The following PRLHR variants were observed in gnomAD, a reference collection of about 807,000 sequenced individuals.
PRLHR encodes prolactin releasing hormone receptor.
In PRLHR, 10 loss-of-function variants were observed where a neutral mutation model predicts 9.3. The observed-to-expected ratio is 1.08, with a 90% CI of 0.66 to 1.82. PRLHR has a LOEUF of 1.82. Ranked by LOEUF, PRLHR falls within the 40% of genes most tolerant of loss-of-function variation. The pLI, the probability that PRLHR is intolerant of heterozygous loss-of-function variation, is 0.00. For missense variants in PRLHR, 589 were observed against 512.0 expected, an observed-to-expected ratio of 1.15 and a Z score of -1.45; for synonymous variants, 261 against 249.3, an observed-to-expected ratio of 1.05 and a Z score of -0.44.
intron 1 of PRLHR, 109 bp from the exon 2 acceptor site, chr10:118,595,359 G>T (rs1844486301): frequency 3.8e-6 from 4 of 1,065,212 alleles, no homozygotes; most frequent in South Asian, 1.8e-5. Flanking sequence ...GGGAATAACC[G>T]GCCACAGAAC....
At position 118,594,703 on chromosome 10, in the gene PRLHR, A is replaced by AGCACAGCGTAGGCGCTGAG. The variant is rs1469153697; in HGVS notation, c.523_541dup (p.Leu181ProfsTer232). The AGCACAGCGTAGGCGCTGAG allele has an allele frequency of 6.3e-7, 1 of 1,594,468 alleles. No homozygotes were observed. The highest frequency in any genetic ancestry group is 1.1e-5 in the South Asian group (1 of 90,002). On this transcript the variant is annotated frameshift_variant, in exon 2 of 2. Coordinates refer to ENST00000239032, the MANE Select transcript of PRLHR (RefSeq NM_004248.3). LOFTEE classifies it low-confidence loss of function (END_TRUNC). ...CACCGCGGACAGCGCCCAGATGGCCAGCACAGCGTAGGCGCTGAGGCGCAG... is the reference window on the plus strand; with the variant it reads ...CACCGCGGACAGCGCCCAGATGGCCAGCACAGCGTAGGCGCTGAGGCACAGCGTAGGCGCTGAGGCGCAG...
Position 118,595,619 on chromosome 10 carries a change from C to T in PRLHR, c.-110G>A, listed in dbSNP as rs531057017. 5.5e-6 allele frequency: 1 copy of T among 181,796 alleles called. No homozygotes were observed. The highest frequency in any genetic ancestry group is 1.4e-4 in the East Asian group (1 of 6,934). The allele number at this position is 181,796 out of a possible 1,614,324, so 11.3% of individuals were successfully genotyped here. ...TGCCCACGTCGGTGATCCGGTCTCG[C>T]TTCTCCGCGGGAGCTGAACGGATCC... is the stretch of plus-strand genomic sequence containing the variant. On this transcript the variant is annotated 5_prime_UTR_variant, in exon 1 of 2. Coordinates refer to ENST00000239032, the MANE Select transcript of PRLHR (RefSeq NM_004248.3).
chr10:118,593,532 C>T lies in PRLHR; in HGVS notation c.*600G>A, dbSNP rs1478640925. 1 of 152,130 alleles carries T rather than the reference C, an allele frequency of 6.6e-6. No individual in the cohort carries two copies. The highest frequency in any genetic ancestry group is 6.5e-5 in the Admixed American group (1 of 15,272). The allele number at this position is 152,130 out of a possible 1,614,324, so 9.4% of individuals were successfully genotyped here. On this transcript the variant is annotated 3_prime_UTR_variant, in exon 2 of 2. Transcript: ENST00000239032. ...AAGGGAGCTTGTAGGTGTTTTTGTACTATAAACTCAAGTGGTTTTAAAACG... is the reference window on the plus strand; with the variant it reads ...AAGGGAGCTTGTAGGTGTTTTTGTATTATAAACTCAAGTGGTTTTAAAACG...
rs765894801 is a variant in PRLHR, at chr10:118,594,570, G to T, written c.675C>A (p.Tyr225Ter). Residue 225 changes from tyrosine to a stop codon, truncating the protein, a stop_gained, in exon 2 of 2, where the codon TAC (tyrosine) becomes TAA (stop). Coordinates refer to ENST00000239032, the MANE Select transcript of PRLHR (RefSeq NM_004248.3). LOFTEE classifies it low-confidence loss of function (END_TRUNC). ...AGGTGACCAGCAGCAGCCCCCAGGC[G>T]TAGAGCTGGCGCTGGCGCTCCTGGG... ...WGSQERQRQLYAWGLLLVTYL... is the reference protein window; with the variant it reads ...WGSQERQRQL 9 of 1,560,122 alleles carry T rather than the reference G, an allele frequency of 5.8e-6. 1 individual carries two copies. In the Admixed American group the frequency reaches 9.5e-5, roughly 16 times the overall value.
rs1165603446 is a variant in PRLHR, at chr10:118,590,869, T to G, written c.*3263A>C. The G allele has an allele frequency of 6.6e-6, 1 of 152,214 alleles. No individual in the cohort carries two copies. The highest frequency in any genetic ancestry group is 2.4e-5 in the African/African-American group (1 of 41,462). The allele number at this position is 152,214 out of a possible 1,614,324, so 9.4% of individuals were successfully genotyped here. A position where few individuals can be genotyped will look rare whatever the true frequency, so the allele number is the denominator to read the frequency against. On this transcript the variant is annotated 3_prime_UTR_variant, in exon 2 of 2. Coordinates refer to ENST00000239032, the MANE Select transcript of PRLHR (RefSeq NM_004248.3). ...TATGTAAAGATGTTTATAAGCACAA[T>G]CTAATTCTCCAACCTCTTTAAGCTC...
rs779662774 is a variant in PRLHR at position 118,594,389 on chromosome 10, C to G, written c.856G>C (p.Val286Leu). 12 of 1,599,820 alleles carry G rather than the reference C, an allele frequency of 7.5e-6. No homozygotes were observed. Among genetic ancestry groups the G allele is most frequent in the South Asian group, 3.3e-5 (3 of 91,014 alleles). ...TFCLLVVIVV[V>L]FAVCWLPLHV... is the part of the protein sequence containing the mutation. ...AGCGGCAGCCAGCAGACGGCGAACA[C>G]CACCACGATCACCACCAGCAAGCAG... The change falls in exon 2 of 2, where the codon GTG becomes CTG. Residue 286 changes from valine (V) to leucine (L), a missense_variant. Physicochemically the swap from Val to Leu is conservative, Grantham distance 32 (BLOSUM62 1). Transcript: ENST00000239032.
chr10:118,594,913 G>T lies in PRLHR; in HGVS notation c.332C>A (p.Thr111Asn). 1.2e-6 allele frequency: 2 copies of T among 1,613,562 alleles called. No individual in the cohort carries two copies. The highest frequency in any genetic ancestry group is 2.2e-5 in the South Asian group (2 of 91,068). Reference sequence around the variant, plus strand: ...GGCCAGCGTGAGCGGCACGCAGGCGGTGCACATGAGCACGTCGGACAAGGC... The same window carrying T: ...GGCCAGCGTGAGCGGCACGCAGGCGTTGCACATGAGCACGTCGGACAAGGC... ...NLALSDVLMC[T>N]ACVPLTLAYA... The change falls in exon 2 of 2, where the codon ACC (threonine) becomes AAC (asparagine). Residue 111 changes from threonine to asparagine, a missense_variant. Transcript: ENST00000239032.
chr10:118,595,335 C>CTT (rs1844486011), intron 1 of PRLHR, 85 bp from the exon 2 acceptor site: 2 of 1,280,592 alleles, frequency 1.6e-6, no homozygotes, highest in Non-Finnish European at 2.1e-6. Flanking sequence ...CCCCCATCGC[C>CTT]TGAGTCCTCC....
chr10:118,594,361 T>G lies in PRLHR; in HGVS notation c.884A>C (p.His295Pro). 1 of 1,600,390 alleles carries G rather than the reference T, an allele frequency of 6.2e-7. No individual in the cohort carries two copies. The highest frequency in any genetic ancestry group is 1.1e-5 in the South Asian group (1 of 90,984). ...GAGGTCCCGCAGCAGGTTGAAGACG[T>G]GCAGCGGCAGCCAGCAGACGGCGAA... The part of the protein sequence containing the change: ...VVFAVCWLPL[H>P]VFNLLRDLDP... The change falls in exon 2 of 2, where the codon CAC (histidine) becomes CCC (proline). Residue 295 changes from histidine (H) to proline (P), a missense_variant. Transcript: ENST00000239032.
chr10:118,594,329 G>C lies in PRLHR; in HGVS notation c.916C>G (p.His306Asp). 8 of 1,600,878 alleles carry C rather than the reference G, an allele frequency of 5.0e-6. No homozygotes were observed. The highest frequency in any genetic ancestry group is 5.9e-6 in the Non-Finnish European group (7 of 1,178,342). The change falls in exon 2 of 2, where the codon CAC (histidine) becomes GAC (aspartate). Residue 306 changes from histidine to aspartate, a missense_variant. By Grantham distance (81) the His-to-Asp change is moderately conservative (BLOSUM62 -1). Coordinates refer to ENST00000239032, the MANE Select transcript of PRLHR (RefSeq NM_004248.3). ...CCAAAGGCGTAAGGGTCGATGGCGT[G>C]GGGGTCGAGGTCCCGCAGCAGGTTG... ...VFNLLRDLDPHAIDPYAFGLV... is the reference protein window; with the variant it reads ...VFNLLRDLDPDAIDPYAFGLV...
In PRLHR at chr10:118,594,103, C is replaced by T. The variant is rs760116575; in HGVS notation, c.*29G>A. 10 of 1,508,958 alleles carry T rather than the reference C, an allele frequency of 6.6e-6. No homozygotes were observed. In the African/African-American group the frequency reaches 1.4e-4, roughly 21 times the overall value. The allele number at this position is 1,508,958 out of a possible 1,614,324, so 93.5% of individuals were successfully genotyped here. On this transcript the variant is annotated 3_prime_UTR_variant, in exon 2 of 2. Coordinates refer to ENST00000239032, the MANE Select transcript of PRLHR (RefSeq NM_004248.3). ...CCCTAGGAGGCCAGTTGAAGTGGAG[C>T]TCCTTGACCAAGGCCTGGCTAAGTG...
At position 118,595,241 on chromosome 10, in the gene PRLHR, C is replaced by G. The variant is rs750092140; in HGVS notation, c.4G>C (p.Ala2Pro). The part of the protein sequence containing the change: M[A>P]SSTTRGPRVS... Reference sequence around the variant, plus strand: ...CTGGGGCCCCGAGTGGTCGATGAGGCCATGGCCACCTGTTCAAAGGTAATC... The same window carrying G: ...CTGGGGCCCCGAGTGGTCGATGAGGGCATGGCCACCTGTTCAAAGGTAATC... Residue 2 changes from alanine (A) to proline (P), a missense_variant, in exon 2 of 2, where the codon GCC (alanine) becomes CCC (proline). Transcript: ENST00000239032. 2 of 1,521,744 alleles carry G rather than the reference C, an allele frequency of 1.3e-6. No individual in the cohort carries two copies. The highest frequency in any genetic ancestry group is 1.8e-6 in the Non-Finnish European group (2 of 1,140,406). The allele number at this position is 1,521,744 out of a possible 1,614,324, so 94.3% of individuals were successfully genotyped here. A position where few individuals can be genotyped will look rare whatever the true frequency, so the allele number is the denominator to read the frequency against.
At position 118,594,452 on chromosome 10, in the gene PRLHR, G is replaced by A. The variant is rs879243421; in HGVS notation, c.793C>T (p.Gln265Ter). 6.2e-7 allele frequency: 1 copy of A among 1,602,422 alleles called. No homozygotes were observed. The highest frequency in any genetic ancestry group is 8.5e-7 in the Non-Finnish European group (1 of 1,179,324). The change falls in exon 2 of 2, where the codon CAG (glutamine) becomes TAG (stop). Residue 265 changes from glutamine to a stop codon, truncating the protein, a stop_gained. Coordinates refer to ENST00000239032, the MANE Select transcript of PRLHR (RefSeq NM_004248.3). LOFTEE classifies it low-confidence loss of function (END_TRUNC). ...CGCCGAGCGCGGTCCCAGTCGGCCT[G>A]GCTCTGGGTCACGCAGCCCGGCACC... ...RVVPGCVTQS[Q>*]ADWDRARRRR...
Position 118,594,608 on chromosome 10 carries a change from C to A in PRLHR, c.637G>T (p.Glu213Ter). ...LKPHDVRLCE[E>*]FWGSQERQRQ... ...TGGCGCTCCTGGGAGCCCCAGAACT[C>A]CTCGCAGAGGCGCACGTCGTGCGGC... is the stretch of plus-strand genomic sequence containing the variant. The change falls in exon 2 of 2, where the codon GAG becomes TAG. Residue 213 changes from glutamate to a stop codon, truncating the protein, a stop_gained. Coordinates refer to ENST00000239032, the MANE Select transcript of PRLHR (RefSeq NM_004248.3). LOFTEE classifies it low-confidence loss of function (END_TRUNC). 1.9e-6 allele frequency: 3 copies of A among 1,571,592 alleles called. No individual in the cohort carries two copies. The South Asian group carries it at 3.4e-5, about 18-fold the overall frequency.
chr10:118,594,566 A>C lies in PRLHR; in HGVS notation c.679T>G (p.Trp227Gly), dbSNP rs1422437081. 2.6e-6 allele frequency: 4 copies of C among 1,561,876 alleles called. No homozygotes were observed. In the South Asian group the frequency reaches 3.5e-5, roughly 14 times the overall value. Reference protein sequence around the residue: ...SQERQRQLYAWGLLLVTYLLP... With the variant: ...SQERQRQLYAGGLLLVTYLLP... ...AGGTAGGTGACCAGCAGCAGCCCCC[A>C]GGCGTAGAGCTGGCGCTGGCGCTCC... is the stretch of plus-strand genomic sequence containing the variant. Residue 227 changes from tryptophan (W) to glycine (G), a missense_variant, in exon 2 of 2, where the codon TGG becomes GGG. Physicochemically the swap from Trp to Gly is radical, Grantham distance 184. Coordinates refer to ENST00000239032, the MANE Select transcript of PRLHR (RefSeq NM_004248.3).
Position 118,590,756 on chromosome 10 carries a change from T to C in PRLHR, c.*3376A>G, listed in dbSNP as rs1294885116. ...TCTCTGGGACTCACCTCTGATTTTT[T>C]TGAAATTCGGTTTGATTTATAAACT... On this transcript the variant is annotated 3_prime_UTR_variant, in exon 2 of 2. Transcript: ENST00000239032. The C allele has an allele frequency of 1.3e-5, 2 of 152,240 alleles. No individual in the cohort carries two copies. The highest frequency in any genetic ancestry group is 6.5e-5 in the Admixed American group (1 of 15,288). The allele number at this position is 152,240 out of a possible 1,614,324, so 9.4% of individuals were successfully genotyped here.
chr10:118,595,087 A>G lies in PRLHR; in HGVS notation c.158T>C (p.Leu53Pro). The G allele has an allele frequency of 6.2e-7, 1 of 1,605,294 alleles. No individual in the cohort carries two copies. The highest frequency in any genetic ancestry group is 8.5e-7 in the Non-Finnish European group (1 of 1,175,030). Residue 53 changes from leucine (L) to proline (P), a missense_variant, in exon 2 of 2, where the codon CTG becomes CCG. Leu to Pro is a moderately conservative substitution (Grantham distance 98). Transcript: ENST00000239032. ...DAPAVTPFQS[L>P]QLVHQLKGLI... ...CCCCTTCAGCTGATGCACCAGCTGC[A>G]GGCTCTGGAAGGGCGTGACGGCTGG...
At position 118,593,210 on chromosome 10, in the gene PRLHR, G is replaced by A. The variant is rs1259423644; in HGVS notation, c.*922C>T. On this transcript the variant is annotated 3_prime_UTR_variant, in exon 2 of 2. Transcript: ENST00000239032. The stretch of plus-strand genomic sequence containing the variant: ...TGACAGCTGTTGATCTGTTGCAAGT[G>A]AGCAATTAGAGACTGCAGGAGAATG... 1 of 152,200 alleles carries A rather than the reference G, an allele frequency of 6.6e-6. No individual in the cohort carries two copies. The highest frequency in any genetic ancestry group is 1.5e-5 in the Non-Finnish European group (1 of 68,038). The allele number at this position is 152,200 out of a possible 1,614,324, so 9.4% of individuals were successfully genotyped here.
Position 118,594,951 on chromosome 10 carries a change from G to A in PRLHR, c.294C>T (p.Leu98=), listed in dbSNP as rs2133394249. 6.2e-7 allele frequency: 1 copy of A among 1,613,692 alleles called. No homozygotes were observed. Among genetic ancestry groups the A allele is most frequent in the Non-Finnish European group, 8.5e-7 (1 of 1,179,924 alleles). The change falls in exon 2 of 2, where the codon CTC becomes CTT. Residue 98 remains leucine, a synonymous_variant. Coordinates refer to ENST00000239032, the MANE Select transcript of PRLHR (RefSeq NM_004248.3). The part of the protein sequence containing the change: ...VRRLHNVTNF[L]IGNLALSDVL... ...CGTCGGACAAGGCCAGGTTGCCGAT[G>A]AGGAAGTTCGTCACGTTGTGCAGCC... is the stretch of plus-strand genomic sequence containing the variant.
Sources: allele counts gnomAD v4.1 joint callset, GRCh38; gene constraint gnomAD v4.1.1; transcripts MANE v1.5; gene names NCBI Gene and HGNC (gene_info 2026-07-23, HGNC 2026-07-21).